EDC3: variants seen among roughly 807,000 people sequenced by gnomAD.
EDC3 encodes the protein enhancer of mRNA decapping 3, also known as enhancer of mRNA-decapping protein 3.
In EDC3, 20 loss-of-function variants were observed where a neutral mutation model predicts 41.8. The ratio of observed to expected loss-of-function variants is 0.48; its 90% CI spans 0.34 to 0.70. The LOEUF is 0.70. Among genes scored for constraint, EDC3 ranks in the 30% least tolerant of loss-of-function variants. EDC3 has a pLI of 0.01. For missense variants in EDC3, 444 were observed against 636.8 expected, an observed-to-expected ratio of 0.70 and a Z score of 3.26; for synonymous variants, 206 against 243.2, an observed-to-expected ratio of 0.85 and a Z score of 1.42.
At position 74,666,256 on chromosome 15, in the gene EDC3, G is replaced by A. The variant is rs544861455; in HGVS notation, c.484+5199C>T. Among the ~76,000 whole-genome samples, 5 of 152,190 alleles carry A rather than the reference G, an allele frequency of 3.3e-5. No homozygotes were observed. In the South Asian group the frequency reaches 8.3e-4, roughly 25 times the overall value. On this transcript the variant is annotated intron_variant, in intron 3 of 6. Transcript: ENST00000315127. The stretch of plus-strand genomic sequence containing the variant: ...CTATCAGAAACCTATTCTGAGCCAC[G>A]TCTTATTGCCATTCCCAGGCCACAA...
chr15:74,632,654 C>T lies in EDC3; in HGVS notation c.1485G>A (p.Ser495=), dbSNP rs752303300. 6 of 1,613,924 alleles carry T rather than the reference C, an allele frequency of 3.7e-6. No individual in the cohort carries two copies. The highest frequency in any genetic ancestry group is 2.2e-5 in the East Asian group (1 of 44,896). Residue 495 remains serine, a synonymous_variant, in exon 7 of 7, where the codon TCG becomes TCA. Transcript: ENST00000315127. This position sits in a 1 kb window ranked among gnomAD's most constrained non-coding sequence, Gnocchi z 4.0. ...VFQEVGINYH[S]PFGCKFVIPL... is the part of the protein sequence containing the mutation. ...GGATAACAAACTTGCAGCCAAAGGG[C>T]GAGTGGTAGTTGATGCCCACCTCCT...
chr15:74,694,459 C>G (rs146316375), intron 1 of EDC3, among the ~76,000 whole-genome samples: 5 of 152,286 alleles, frequency 3.3e-5, no homozygotes, highest in African/African-American at 1.2e-4. Context: ...AGGCACCCAC[C>G]ACCACCCAGC....
At chr15:74,685,756 A>G (rs2062930102) in intron 1 of EDC3, among the ~76,000 whole-genome samples, 1 of 152,230 alleles carries the variant, frequency 6.6e-6, no homozygotes, top group Non-Finnish European at 1.5e-5. Flanking sequence ...GCAGATGAAT[A>G]TAAATACACA....
Position 74,687,490 on chromosome 15 carries a change from T to G in EDC3, c.-19+8390A>C, listed in dbSNP as rs890570215. Among the ~76,000 whole-genome samples the G allele has an allele frequency of 4.9e-4, 74 of 152,186 alleles. 1 individual carries two copies. The highest frequency in any genetic ancestry group is 1.7e-3 in the African/African-American group (70 of 41,546). On this transcript the variant is annotated intron_variant, in intron 1 of 6. Transcript: ENST00000315127. Reference sequence around the variant, plus strand: ...CCAGGTTCAATCAGGCAATTCTCCTTCCTCAGCCTCCTGAGTAGCTGGGAC... The same window carrying G: ...CCAGGTTCAATCAGGCAATTCTCCTGCCTCAGCCTCCTGAGTAGCTGGGAC...
chr15:74,669,145 G>C (rs898888619), intron 3 of EDC3, among the ~76,000 whole-genome samples: 1 of 151,750 alleles, frequency 6.6e-6, no homozygotes, highest in African/African-American at 2.4e-5. Context: ...CCGAGAGTTT[G>C]AGACCAGCCT....
At chr15:74,666,827 C>A (rs755091982) in intron 3 of EDC3, among the ~76,000 whole-genome samples, 6 of 152,004 alleles carry the variant, frequency 3.9e-5, no homozygotes, top group Admixed American at 3.9e-4. Flanking sequence ...AAAGAGTGAG[C>A]CTTAGTGTTT....
intron 1 of EDC3, among the ~76,000 whole-genome samples, chr15:74,679,499 A>G (rs943627760): frequency 6.6e-6 from 1 of 152,232 alleles, no homozygotes; most frequent in African/African-American, 2.4e-5. Flanking sequence ...ACGTTATCAC[A>G]TCAGTAAATA....
At chr15:74,663,622 G>A (rs1350073221) in intron 3 of EDC3, among the ~76,000 whole-genome samples, 6 of 148,882 alleles carry the variant, frequency 4.0e-5, no homozygotes, top group Admixed American at 1.4e-4. Flanking sequence ...GGTCCCAAGC[G>A]TTTTGCGTTA....
intron 3 of EDC3, among the ~76,000 whole-genome samples, chr15:74,667,710 A>G (rs2062693108): frequency 1.3e-5 from 2 of 152,244 alleles, no homozygotes; most frequent in African/African-American, 2.4e-5. Context: ...ATTATAAGCC[A>G]AAGTATAAAA....
chr15:74,678,850 A>G (rs2062836785), intron 1 of EDC3, among the ~76,000 whole-genome samples: 2 of 148,892 alleles, frequency 1.3e-5, no homozygotes, highest in South Asian at 4.3e-4. Context: ...AGATCACACC[A>G]TTGCACTACA....
intron 2 of EDC3, among the ~76,000 whole-genome samples, chr15:74,673,451 C>T (rs955138343): frequency 1.7e-4 from 26 of 152,034 alleles, no homozygotes; most frequent in Admixed American, 5.9e-4. Context: ...AGATTAGCTC[C>T]GAAAATCTTG....
chr15:74,694,257 G>GCT (rs1258247970), intron 1 of EDC3, among the ~76,000 whole-genome samples: 1 of 152,080 alleles, frequency 6.6e-6, no homozygotes, highest in Non-Finnish European at 1.5e-5. Flanking sequence ...TGTTGCCCAG[G>GCT]CTGGCCTTAA....
rs180831029 is a variant in EDC3 at position 74,694,114 on chromosome 15, C to T, written c.-19+1766G>A. On this transcript the variant is annotated intron_variant, in intron 1 of 6. Transcript: ENST00000315127. ...GTTGTTCTGGCTGAATTTAGGAGAA[C>T]TCTAGTAAGCCCTTCTCTGGATAAG... is the stretch of plus-strand genomic sequence containing the variant. Among the ~76,000 whole-genome samples the T allele has an allele frequency of 8.9e-4, 135 of 152,260 alleles. 2 individuals carry two copies. The highest frequency in any genetic ancestry group is 8.4e-3 in the Admixed American group (129 of 15,286).
intron 3 of EDC3, among the ~76,000 whole-genome samples, chr15:74,668,519 T>TG (rs2062702646): frequency 6.6e-6 from 1 of 152,042 alleles, no homozygotes; most frequent in South Asian, 2.1e-4. Flanking sequence ...AGAAAAAAGA[T>TG]TTTCAGACAG....
chr15:74,674,952 G>A lies in EDC3; in HGVS notation c.164+9C>T. The A allele has an allele frequency of 6.2e-7, 1 of 1,613,842 alleles. No individual in the cohort carries two copies. Among genetic ancestry groups the A allele is most frequent in the Non-Finnish European group, 8.5e-7 (1 of 1,179,984 alleles). On this transcript the variant is annotated intron_variant, in intron 2 of 6. Coordinates refer to ENST00000315127, the MANE Select transcript of EDC3 (RefSeq NM_025083.5). The stretch of plus-strand genomic sequence containing the variant: ...GGTTGGATTCAGAAGAGTCAGTCAG[G>A]ACACTCACCTGAAGGTGACTTCTGG...
chr15:74,637,658 G>A (rs763849697), intron 5 of EDC3: 1 of 152,230 alleles, frequency 6.6e-6, no homozygotes, highest in Non-Finnish European at 1.5e-5. Context: ...CTTGAATTAA[G>A]ATCACTTCAG....
At chr15:74,636,135 G>A in intron 5 of EDC3, 1 of 161,432 alleles carries the variant, frequency 6.2e-6, no homozygotes, top group Non-Finnish European at 1.4e-5. Flanking sequence ...GATTACTCTG[G>A]CTCATGCCTT....
chr15:74,646,034 T>TGAA (rs1297576268), intron 4 of EDC3, among the ~76,000 whole-genome samples: 25 of 151,108 alleles, frequency 1.7e-4, no homozygotes, highest in African/African-American at 5.8e-4. Context: ...CAGAGACCGT[T>TGAA]CCCAGTCTTT....
intron 1 of EDC3, among the ~76,000 whole-genome samples, chr15:74,689,112 G>A (rs992029510): frequency 2.6e-5 from 4 of 152,012 alleles, no homozygotes; most frequent in Admixed American, 1.3e-4. Flanking sequence ...ATATTTCTGC[G>A]ATGGACAAAT....
Sources: gnomAD v4.1 joint callset for allele counts (sites outside exome capture counted in the v4.1 genomes callset) on GRCh38, gnomAD v4.1.1 for gene constraint, Gnocchi (gnomAD v3.1) non-coding constraint, MANE v1.5 for transcripts, NCBI Gene and HGNC (gene_info 2026-07-23, HGNC 2026-07-21) for gene names.